The following ART3 variants were observed in gnomAD, a reference collection of about 807,000 sequenced individuals.
The protein encoded by ART3 is ecto-ADP-ribosyltransferase 3.
A neutral mutation model predicts 48.5 loss-of-function variants in ART3; 49 were observed. That is an observed-to-expected ratio of 1.01 (90% CI 0.80 to 1.28). ART3 has a LOEUF of 1.28. ART3 is among the 50% of genes most tolerant of loss of function. The pLI, the probability that ART3 is intolerant of heterozygous loss-of-function variation, is 0.00. For missense variants in ART3, 438 were observed against 454.3 expected, an observed-to-expected ratio of 0.96 and a Z score of 0.33; for synonymous variants, 145 against 157.2, an observed-to-expected ratio of 0.92 and a Z score of 0.58.
At chr4:76,022,027 A>G in intron 1 of ART3, 1 of 1,298,224 alleles carries the variant, frequency 7.7e-7, no homozygotes, top group East Asian at 2.3e-5. Flanking sequence ...GAAAGTACCG[A>G]GTTCATAGAA....
chr4:76,054,172 C>T (rs995319498), intron 1 of ART3, among the ~76,000 whole-genome samples: 2 of 151,954 alleles, frequency 1.3e-5, no homozygotes, highest in African/African-American at 2.4e-5. Context: ...TAGATCTGGT[C>T]GATATTATTT....
intron 1 of ART3, chr4:76,036,158 T>C (rs1336765884): frequency 3.4e-6 from 2 of 592,702 alleles, no homozygotes; most frequent in Non-Finnish European, 5.9e-6. Context: ...CTTTGAGTCA[T>C]GCACCTTTCC....
At chr4:76,023,438 G>A in intron 1 of ART3, 2 of 1,613,462 alleles carry the variant, frequency 1.2e-6, no homozygotes, top group Non-Finnish European at 1.7e-6. Context: ...TCATGGTGCT[G>A]AGACTGGAGG....
intron 1 of ART3, among the ~76,000 whole-genome samples, chr4:76,019,750 G>A (rs947813894): frequency 6.0e-5 from 9 of 151,090 alleles, no homozygotes; most frequent in African/African-American, 1.7e-4. Flanking sequence ...CACCGCGCCC[G>A]GCCATATCAC....
intron 1 of ART3, among the ~76,000 whole-genome samples, chr4:76,062,463 A>G (rs1719307426): frequency 6.6e-6 from 1 of 152,128 alleles, no homozygotes; most frequent in African/African-American, 2.4e-5. Context: ...GTTGTTATAA[A>G]TTATCGTTAT....
At chr4:76,062,752 G>A (rs1008597447) in intron 1 of ART3, among the ~76,000 whole-genome samples, 2 of 151,638 alleles carry the variant, frequency 1.3e-5, no homozygotes, top group Admixed American at 6.6e-5. Flanking sequence ...AGTAGAGATG[G>A]GGTTTCATTG....
Position 76,081,693 on chromosome 4 carries a change from C to G in ART3, c.70-131C>G, listed in dbSNP as rs1026871594. On this transcript the variant is annotated intron_variant, in intron 2 of 11. Transcript: ENST00000355810. ...TGGAATATACTTCCTGCATAAAAACCTACCCAAAATTGGTTATAAGTCAGG... is the reference window on the plus strand; with the variant it reads ...TGGAATATACTTCCTGCATAAAAACGTACCCAAAATTGGTTATAAGTCAGG... 38 of 837,598 alleles carry G rather than the reference C, an allele frequency of 4.5e-5. No individual in the cohort carries two copies. The African/African-American group carries it at 4.6e-4, about 10-fold the overall frequency. 51.9% of individuals were successfully genotyped at this position (837,598 alleles called of 1,614,324 possible).
At chr4:76,034,961 T>C in intron 1 of ART3, 3 of 1,408,494 alleles carry the variant, frequency 2.1e-6, no homozygotes, top group South Asian at 2.3e-5. Context: ...GCAGAATCTT[T>C]CTGTAGTTGT....
At chr4:76,111,705 G>C (rs1056378730) in intron 11 of ART3, among the ~76,000 whole-genome samples, 2 of 152,036 alleles carry the variant, frequency 1.3e-5, no homozygotes, top group Non-Finnish European at 2.9e-5. Context: ...ACCACGCCCG[G>C]CTAATTCTGT....
intron 1 of ART3, among the ~76,000 whole-genome samples, chr4:76,050,544 A>G (rs1037443425): frequency 6.6e-6 from 1 of 152,196 alleles, no homozygotes; most frequent in African/African-American, 2.4e-5. Context: ...TGAGCTAGAC[A>G]TAAAAGTTCT....
chr4:76,014,076 A>T (rs1732043573), intron 1 of ART3, among the ~76,000 whole-genome samples: 1 of 152,140 alleles, frequency 6.6e-6, no homozygotes, highest in South Asian at 2.1e-4. Flanking sequence ...AAAAAAGAAA[A>T]CACAACTTAG....
At chr4:76,106,867 G>A (rs1255215716) in intron 10 of ART3, among the ~76,000 whole-genome samples, 1 of 152,150 alleles carries the variant, frequency 6.6e-6, no homozygotes, top group Non-Finnish European at 1.5e-5. Context: ...ATTTAAAGTG[G>A]TGGTGTTTGT....
intron 9 of ART3, 159 bp from the exon 10 acceptor site, chr4:76,104,438 A>G (rs1365342098): frequency 2.0e-6 from 2 of 985,314 alleles, no homozygotes; most frequent in Non-Finnish European, 2.4e-6. Context: ...GATTTGTATA[A>G]TAAGGGTTTA....
intron 1 of ART3, among the ~76,000 whole-genome samples, chr4:76,068,736 G>A (rs940982719): frequency 6.6e-6 from 1 of 152,124 alleles, no homozygotes. Flanking sequence ...AAACCCCTCT[G>A]ACACGAGTTT....
intron 1 of ART3, among the ~76,000 whole-genome samples, chr4:76,049,836 T>G (rs1735876242): frequency 6.6e-6 from 1 of 151,944 alleles, no homozygotes; most frequent in Non-Finnish European, 1.5e-5. Flanking sequence ...ACTTCAAGAA[T>G]GAAGCCGCGG....
intron 1 of ART3, among the ~76,000 whole-genome samples, chr4:76,027,157 G>A (rs538736124): frequency 9.2e-5 from 14 of 152,260 alleles, no homozygotes; most frequent in African/African-American, 3.1e-4. Context: ...GGAGGCTGAG[G>A]CAGGAGAATC....
At chr4:76,093,943 T>C (rs1451819010) in intron 3 of ART3, among the ~76,000 whole-genome samples, 1 of 152,276 alleles carries the variant, frequency 6.6e-6, no homozygotes, top group East Asian at 1.9e-4. Context: ...TATTTGGAGG[T>C]TGGGCCTTCA....
chr4:76,081,741 G>A, intron 2 of ART3, 83 bp from the exon 3 acceptor site: 3 of 1,425,818 alleles, frequency 2.1e-6, no homozygotes, highest in Non-Finnish European at 2.9e-6. Context: ...CAAGGGATGA[G>A]AAGGTGGGGG....
At chr4:76,051,046 C>A (rs1271792256) in intron 1 of ART3, among the ~76,000 whole-genome samples, 2 of 152,270 alleles carry the variant, frequency 1.3e-5, no homozygotes, top group Admixed American at 6.5e-5. Context: ...TCCCTCCACA[C>A]CTCCCTGCAA....
Sources: gnomAD v4.1 joint callset for allele counts (sites outside exome capture counted in the v4.1 genomes callset) on GRCh38, gnomAD v4.1.1 for gene constraint, MANE v1.5 for transcripts, NCBI Gene and HGNC (gene_info 2026-07-23, HGNC 2026-07-21) for gene names.